The following EBF1 variants were observed in gnomAD, a reference collection of about 807,000 sequenced individuals.
EBF1 encodes transcription factor COE1.
EBF1 carries 10 observed loss-of-function variants against 68.4 expected under a neutral mutation model. The observed-to-expected ratio is 0.15, with a 90% confidence interval of 0.09 to 0.25. The LOEUF is 0.25. EBF1 is among the 10% of genes least tolerant of loss of function. The pLI is 1.00. For missense variants in EBF1, 509 were observed against 794.4 expected, an observed-to-expected ratio of 0.64 and a Z score of 4.32; for synonymous variants, 298 against 299.8, an observed-to-expected ratio of 0.99 and a Z score of 0.06.
At chr5:159,017,440 G>A (rs541599105) in intron 6 of EBF1, among the ~76,000 whole-genome samples, 55 of 152,316 alleles carry the variant, frequency 3.6e-4, no homozygotes, top group African/African-American at 1.2e-3. Context: ...ATGAGCCTCA[G>A]CTCTTCCCAT....
intron 10 of EBF1, among the ~76,000 whole-genome samples, chr5:158,764,988 A>T (rs1772345662): frequency 6.6e-6 from 1 of 152,184 alleles, no homozygotes; most frequent in Admixed American, 6.5e-5. Flanking sequence ...TGAATGAGAA[A>T]GGCTTTGTCA....
At chr5:158,773,723 AG>A (rs1380637669) in intron 10 of EBF1, among the ~76,000 whole-genome samples, 2 of 152,172 alleles carry the variant, frequency 1.3e-5, no homozygotes, top group Non-Finnish European at 2.9e-5. Context: ...AAAAACTTTG[AG>A]GAAGCAGCTA....
intron 6 of EBF1, among the ~76,000 whole-genome samples, chr5:158,891,502 C>T (rs1225424673): frequency 6.6e-6 from 1 of 152,112 alleles, no homozygotes; most frequent in African/African-American, 2.4e-5. Flanking sequence ...CGAAGTAGAC[C>T]CAGTGCTAAA....
At chr5:158,871,120 C>CCAGG (rs2128059379) in intron 6 of EBF1, among the ~76,000 whole-genome samples, 1 of 152,286 alleles carries the variant, frequency 6.6e-6, no homozygotes, top group African/African-American at 2.4e-5. Context: ...CTAGAAAAGA[C>CCAGG]CAGGCACTAC....
At chr5:158,874,948 T>C (rs1293219623) in intron 6 of EBF1, among the ~76,000 whole-genome samples, 2 of 151,946 alleles carry the variant, frequency 1.3e-5, no homozygotes, top group Non-Finnish European at 2.9e-5. Flanking sequence ...AGGCCTGAGA[T>C]GGCAATTATA....
intron 10 of EBF1, among the ~76,000 whole-genome samples, chr5:158,759,036 A>G (rs889178861): frequency 9.9e-5 from 15 of 152,198 alleles, no homozygotes; most frequent in Non-Finnish European, 1.9e-4. Flanking sequence ...CCTTGGAACC[A>G]ATAAATCTTG....
chr5:158,696,792 G>A lies in EBF1; in HGVS notation c.*2319C>T, dbSNP rs1482822119. ...AAACCATTGCAAAATCCATATGGGG[G>A]CATGCACAGTTGCAGCATTGTTGTA... On this transcript the variant is annotated 3_prime_UTR_variant, in exon 16 of 16. Transcript: ENST00000313708. The A allele has an allele frequency of 9.8e-6, 2 of 203,282 alleles. No individual in the cohort carries two copies. The highest frequency in any genetic ancestry group is 2.3e-5 in the African/African-American group (1 of 43,448). The allele number at this position is 203,282 out of a possible 1,614,324, so 12.6% of individuals were successfully genotyped here.
chr5:158,975,216 T>C (rs967874324), intron 6 of EBF1, among the ~76,000 whole-genome samples: 1 of 152,178 alleles, frequency 6.6e-6, no homozygotes, highest in African/African-American at 2.4e-5. Context: ...TGATCTCACA[T>C]TAAAACCCAG....
intron 12 of EBF1, among the ~76,000 whole-genome samples, chr5:158,713,536 G>C (rs1243022432): frequency 6.6e-6 from 1 of 152,188 alleles, no homozygotes; most frequent in African/African-American, 2.4e-5. Flanking sequence ...TACCCAGGGG[G>C]AGAGGAAGAG....
intron 4 of EBF1, among the ~76,000 whole-genome samples, chr5:159,086,166 A>G (rs1780607786): frequency 6.6e-6 from 1 of 152,190 alleles, no homozygotes; most frequent in Admixed American, 6.5e-5. Flanking sequence ...TCCAGATTTT[A>G]CCAGATGACT....
rs1456683751 is a variant in EBF1 at position 158,843,585 on chromosome 5, G to A, written c.555-3475C>T. On this transcript the variant is annotated intron_variant, in intron 6 of 15. Coordinates refer to ENST00000313708, the MANE Select transcript of EBF1 (RefSeq NM_024007.5). ...GAAATTGAAAGCTTGACCATCTGTCGTGGGGAAGACACGGCCATCAACTGG... is the reference window on the plus strand; with the variant it reads ...GAAATTGAAAGCTTGACCATCTGTCATGGGGAAGACACGGCCATCAACTGG... 7.2e-5 allele frequency among the ~76,000 whole-genome samples: 11 copies of A among 152,190 alleles called. No individual in the cohort carries two copies. In the East Asian group the frequency reaches 1.2e-3, roughly 16 times the overall value.
intron 10 of EBF1, among the ~76,000 whole-genome samples, chr5:158,762,803 G>A (rs1015624835): frequency 1.3e-5 from 2 of 152,136 alleles, no homozygotes; most frequent in African/African-American, 2.4e-5. Context: ...CCAAAGTGCT[G>A]GGATTACAAG....
intron 6 of EBF1, among the ~76,000 whole-genome samples, chr5:158,860,528 C>A (rs1794790533): frequency 6.6e-6 from 1 of 152,178 alleles, no homozygotes; most frequent in African/African-American, 2.4e-5. Context: ...CAGGAGCCAC[C>A]TCTCACGATT....
At chr5:158,963,767 G>A (rs978372500) in intron 6 of EBF1, among the ~76,000 whole-genome samples, 1 of 152,200 alleles carries the variant, frequency 6.6e-6, no homozygotes, top group Non-Finnish European at 1.5e-5. Context: ...TAACGAAAGA[G>A]TGTTGGAACA....
intron 15 of EBF1, among the ~76,000 whole-genome samples, chr5:158,703,792 G>GC: frequency 6.6e-6 from 1 of 152,176 alleles, no homozygotes; most frequent in East Asian, 1.9e-4. Flanking sequence ...AGTGCCCCTT[G>GC]CCCCCATCTC....
intron 6 of EBF1, among the ~76,000 whole-genome samples, chr5:158,917,071 C>T (rs1233968325): frequency 1.3e-5 from 2 of 152,160 alleles, no homozygotes; most frequent in African/African-American, 2.4e-5. Context: ...TGCCACTGTC[C>T]TAACTAGCCA....
intron 6 of EBF1, among the ~76,000 whole-genome samples, chr5:158,973,335 C>A (rs756411376): frequency 6.6e-6 from 1 of 151,834 alleles, no homozygotes; most frequent in Non-Finnish European, 1.5e-5. Flanking sequence ...TCTCTTCATC[C>A]CCTATTTCCC....
chr5:158,886,151 T>C (rs960734515), intron 6 of EBF1, among the ~76,000 whole-genome samples: 1 of 152,238 alleles, frequency 6.6e-6, no homozygotes, highest in African/African-American at 2.4e-5. Flanking sequence ...GATACAGCTA[T>C]TGTCTATGCA....
intron 15 of EBF1, among the ~76,000 whole-genome samples, chr5:158,703,602 CAA>C (rs11301371): frequency 3.1e-3 from 389 of 126,378 alleles, no homozygotes; most frequent in Middle Eastern, 0.012. Flanking sequence ...GTTGCTTTTT[CAA>C]AAAAAAAAAA....
Sources: gnomAD v4.1 joint callset for allele counts (sites outside exome capture counted in the v4.1 genomes callset) on GRCh38, gnomAD v4.1.1 for gene constraint, MANE v1.5 for transcripts, NCBI Gene and HGNC (gene_info 2026-07-23, HGNC 2026-07-21) for gene names.